Variants in CFAP299 observed in about 807,000 individuals in gnomAD.
The protein encoded by CFAP299 is cilia and flagella associated protein 299.
A neutral mutation model predicts 27.0 loss-of-function variants in CFAP299; 21 were observed. The observed-to-expected ratio is 0.78, with a 90% CI of 0.55 to 1.12. The LOEUF (loss-of-function observed/expected upper bound fraction) is 1.12. Ranked by LOEUF, CFAP299 falls within the 50% of genes most tolerant of loss-of-function variation. The pLI is 0.00. For synonymous variants in CFAP299, 104 were observed against 98.1 expected (o/e 1.06, Z -0.36); for missense variants, 310 against 276.6 (o/e 1.12, Z -0.86).
At chr4:80,689,365 A>G (rs1720483216) in intron 3 of CFAP299, among the ~76,000 whole-genome samples, 1 of 152,256 alleles carries the variant, frequency 6.6e-6, no homozygotes, top group African/African-American at 2.4e-5. Context: ...TCTACAAGCC[A>G]GAACAGAGTG....
At chr4:80,576,096 A>C (rs1295934260) in intron 2 of CFAP299, among the ~76,000 whole-genome samples, 2 of 151,820 alleles carry the variant, frequency 1.3e-5, no homozygotes, top group East Asian at 3.9e-4. Flanking sequence ...ATGACGAGTT[A>C]ATGGGTGCAG....
At position 80,799,415 on chromosome 4, in the gene CFAP299, AAGT is replaced by A. The variant is rs1367722781; in HGVS notation, c.334-70576_334-70574del. Among the ~76,000 whole-genome samples the A allele has an allele frequency of 2.1e-3, 193 of 91,352 alleles. 1 individual carries two copies. The highest frequency in any genetic ancestry group is 8.2e-3 in the African/African-American group (179 of 21,818). 59.9% of individuals were successfully genotyped at this position (91,352 alleles called of 152,430 possible). On this transcript the variant is annotated intron_variant, in intron 3 of 5. Coordinates refer to ENST00000358105, the MANE Select transcript of CFAP299 (RefSeq NM_152770.3). ...AATATTTATATATATTTATACATAT[AAGT>A]AATATTTATAATATATATAATATTT... is the stretch of plus-strand genomic sequence containing the variant.
intron 2 of CFAP299, among the ~76,000 whole-genome samples, chr4:80,392,834 T>A (rs1337565359): frequency 6.6e-6 from 1 of 152,204 alleles, no homozygotes; most frequent in Admixed American, 6.5e-5. Flanking sequence ...TAACAAATGA[T>A]TATTTTACTG....
At chr4:80,469,272 A>G (rs1364685840) in intron 2 of CFAP299, among the ~76,000 whole-genome samples, 1 of 152,188 alleles carries the variant, frequency 6.6e-6, no homozygotes, top group East Asian at 1.9e-4. Context: ...TTCAACAACC[A>G]TTGTTCTGGG....
At chr4:80,840,638 A>AT (rs1046545147) in intron 3 of CFAP299, among the ~76,000 whole-genome samples, 5 of 151,876 alleles carry the variant, frequency 3.3e-5, no homozygotes, top group African/African-American at 9.7e-5. Context: ...GTTTGTTTTG[A>AT]TTTTTTTCCC....
At chr4:80,629,654 C>T (rs1461604690) in intron 3 of CFAP299, among the ~76,000 whole-genome samples, 3 of 151,840 alleles carry the variant, frequency 2.0e-5, no homozygotes, top group Non-Finnish European at 1.5e-5. Flanking sequence ...CCGAGATGGG[C>T]GGATCACTTG....
intron 3 of CFAP299, among the ~76,000 whole-genome samples, chr4:80,740,552 C>T (rs982762535): frequency 1.3e-5 from 2 of 152,174 alleles, no homozygotes; most frequent in Admixed American, 6.5e-5. Context: ...ACCACTGGGA[C>T]TGCACTGGGT....
chr4:80,644,691 T>C (rs1186816382), intron 3 of CFAP299, among the ~76,000 whole-genome samples: 1 of 152,148 alleles, frequency 6.6e-6, no homozygotes, highest in Non-Finnish European at 1.5e-5. Flanking sequence ...GAATTCCAAC[T>C]CTTGTTCCTT....
At position 80,923,984 on chromosome 4, in the gene CFAP299, G is replaced by A. The variant is rs1446702471; in HGVS notation, c.477-20826G>A. ...ATGATTTGATATCTGAGATTTGTAA[G>A]CTTTGAAATGATCTCATTGATGAGA... is the stretch of plus-strand genomic sequence containing the variant. On this transcript the variant is annotated intron_variant, in intron 4 of 5. Coordinates refer to ENST00000358105, the MANE Select transcript of CFAP299 (RefSeq NM_152770.3). Among the ~76,000 whole-genome samples the A allele has an allele frequency of 2.0e-5, 3 of 151,952 alleles. No homozygotes were observed. The East Asian group carries it at 5.8e-4, about 29-fold the overall frequency.
upstream of CFAP299, among the ~76,000 whole-genome samples, chr4:80,332,994 C>T (rs572037733): frequency 1.3e-5 from 2 of 152,216 alleles, no homozygotes; most frequent in East Asian, 3.9e-4. Flanking sequence ...TCATCTATCC[C>T]ATAGCACAGT....
At chr4:80,891,813 G>T in intron 4 of CFAP299, among the ~76,000 whole-genome samples, 1 of 69,092 alleles carries the variant, frequency 1.4e-5, no homozygotes, top group South Asian at 4.6e-4. Flanking sequence ...AAAGCTTTGA[G>T]AAGCCCTAGA....
intron 2 of CFAP299, among the ~76,000 whole-genome samples, chr4:80,427,733 G>A (rs1333185446): frequency 6.6e-6 from 1 of 152,160 alleles, no homozygotes; most frequent in Admixed American, 6.5e-5. Context: ...AGCAACTTAA[G>A]TGTTGAAACA....
At chr4:80,347,634 A>T (rs1397298060) in intron 1 of CFAP299, among the ~76,000 whole-genome samples, 3 of 152,232 alleles carry the variant, frequency 2.0e-5, no homozygotes, top group African/African-American at 7.2e-5. Flanking sequence ...ATCAGAGAGG[A>T]TACAAACAAA....
At chr4:80,890,616 G>C (rs1207302371) in intron 4 of CFAP299, among the ~76,000 whole-genome samples, 1 of 148,858 alleles carries the variant, frequency 6.7e-6, no homozygotes, top group African/African-American at 2.5e-5. Context: ...TCTAGTTCTA[G>C]ATCCCTGAGG....
intron 2 of CFAP299, among the ~76,000 whole-genome samples, chr4:80,483,148 A>G (rs891768502): frequency 6.6e-6 from 1 of 152,232 alleles, no homozygotes; most frequent in Non-Finnish European, 1.5e-5. Context: ...AAAAGAGGCC[A>G]GGGTTGTTTG....
chr4:80,562,976 G>A (rs895785270), intron 2 of CFAP299, among the ~76,000 whole-genome samples: 1 of 151,904 alleles, frequency 6.6e-6, no homozygotes, highest in African/African-American at 2.4e-5. Flanking sequence ...TGATAAAGAG[G>A]TCAATTCAGC....
At chr4:80,689,135 A>G (rs1172932983) in intron 3 of CFAP299, among the ~76,000 whole-genome samples, 5 of 152,214 alleles carry the variant, frequency 3.3e-5, no homozygotes, top group Admixed American at 3.3e-4. Flanking sequence ...ATTATCCAGG[A>G]GAACTTCCCC....
At chr4:80,552,138 A>G (rs1420345675) in intron 2 of CFAP299, among the ~76,000 whole-genome samples, 1 of 152,242 alleles carries the variant, frequency 6.6e-6, no homozygotes, top group African/African-American at 2.4e-5. Flanking sequence ...ACAAATGGTC[A>G]AAGAATAGAA....
intron 3 of CFAP299, among the ~76,000 whole-genome samples, chr4:80,713,749 A>C (rs1034312787): frequency 6.6e-6 from 1 of 152,214 alleles, no homozygotes; most frequent in African/African-American, 2.4e-5. Flanking sequence ...TCACTATGCT[A>C]TGCAACCAAG....
Sources: allele counts gnomAD v4.1 joint callset (sites outside exome capture counted in the v4.1 genomes callset), GRCh38; gene constraint gnomAD v4.1.1; transcripts MANE v1.5; gene names NCBI Gene and HGNC (gene_info 2026-07-23, HGNC 2026-07-21).